NELL1: variants seen among roughly 807,000 people sequenced by gnomAD.
NELL1 encodes the protein protein kinase C-binding protein NELL1.
NELL1 carries 76 observed loss-of-function variants against 107.4 expected under a neutral mutation model. That is an observed-to-expected ratio of 0.71 (90% CI 0.59 to 0.86). The LOEUF (loss-of-function observed/expected upper bound fraction) is 0.86, where lower values mean the gene tolerates loss of function less well. Among genes scored for constraint, NELL1 ranks in the 40% least tolerant of loss-of-function variants. The pLI is 0.00. For synonymous variants in NELL1, 353 were observed against 341.2 expected (o/e 1.03, Z -0.38); for missense variants, 1,024 against 1,005.5 (o/e 1.02, Z -0.25).
chr11:20,792,474 ATATC>A (rs151035232), intron 3 of NELL1, among the ~76,000 whole-genome samples: 2,361 of 152,054 alleles, frequency 0.016, 64 homozygotes, highest in African/African-American at 0.053. Context: ...GTACTTTCTA[ATATC>A]TATCACTGTT....
chr11:20,736,919 T>C (rs1008255628), intron 2 of NELL1, among the ~76,000 whole-genome samples: 31 of 151,930 alleles, frequency 2.0e-4, no homozygotes, highest in African/African-American at 6.8e-4. Context: ...CATGCCTGGC[T>C]AATTTTTGTG....
Position 21,310,021 on chromosome 11 carries a change from G to A in NELL1, c.1550-60832G>A, listed in dbSNP as rs533453871. On this transcript the variant is annotated intron_variant, in intron 14 of 19. Coordinates refer to ENST00000357134, the MANE Select transcript of NELL1 (RefSeq NM_006157.5). ...TACAACTTCTTAGTCTTCACATAAA[G>A]GCATTTCTACTTAATAGAATATGTA... is the stretch of plus-strand genomic sequence containing the variant. 2.6e-5 allele frequency among the ~76,000 whole-genome samples: 4 copies of A among 152,068 alleles called. No individual in the cohort carries two copies. In the South Asian group the frequency reaches 8.3e-4, roughly 32 times the overall value.
At chr11:21,157,033 C>T (rs546816166) in intron 13 of NELL1, among the ~76,000 whole-genome samples, 2 of 151,762 alleles carry the variant, frequency 1.3e-5, no homozygotes, top group East Asian at 1.9e-4. Context: ...ACCCAGGAGG[C>T]GGAGGCTGCA....
chr11:21,461,110 G>A (rs1853890223), intron 15 of NELL1, among the ~76,000 whole-genome samples: 1 of 152,062 alleles, frequency 6.6e-6, no homozygotes, highest in African/African-American at 2.4e-5. Context: ...GGGAAGGGGT[G>A]TTAATAATTC....
At chr11:20,757,343 T>A (rs1856320158) in intron 2 of NELL1, among the ~76,000 whole-genome samples, 2 of 152,260 alleles carry the variant, frequency 1.3e-5, no homozygotes, top group South Asian at 4.1e-4. Flanking sequence ...TAGAGAGACT[T>A]CTCCTGGCTG....
rs796185710 is a variant in NELL1, at chr11:21,213,301, A to G, written c.1427-16031A>G. Among the ~76,000 whole-genome samples the G allele has an allele frequency of 2.6e-5, 4 of 152,314 alleles. No individual in the cohort carries two copies. The South Asian group carries it at 6.2e-4, about 24-fold the overall frequency. ...AATATAGTAAAGATGTCAATTCTCC[A>G]TAAGTTGATCTGTAAAGTTTAACAT... is the stretch of plus-strand genomic sequence containing the variant. On this transcript the variant is annotated intron_variant, in intron 13 of 19. Transcript: ENST00000357134.
chr11:20,699,590 C>A (rs1016796191), intron 2 of NELL1, among the ~76,000 whole-genome samples: 1 of 152,110 alleles, frequency 6.6e-6, no homozygotes, highest in Admixed American at 6.5e-5. Flanking sequence ...AAACTCCTGA[C>A]CTCATGATCT....
chr11:21,279,237 C>G (rs775271800), intron 14 of NELL1, among the ~76,000 whole-genome samples: 2 of 151,990 alleles, frequency 1.3e-5, no homozygotes, highest in Non-Finnish European at 1.5e-5. Flanking sequence ...TAGATACAGT[C>G]AAGGGAACAG....
intron 12 of NELL1, among the ~76,000 whole-genome samples, chr11:21,044,951 T>G (rs1445604085): frequency 6.6e-6 from 1 of 152,250 alleles, no homozygotes; most frequent in Non-Finnish European, 1.5e-5. Context: ...TGAACTTGCT[T>G]CAGTTAGTTG....
rs186671358 is a variant in NELL1 at position 20,947,847 on chromosome 11, T to C, written c.1171+412T>C. On this transcript the variant is annotated intron_variant, in intron 11 of 19. Transcript: ENST00000357134. ...CGTCTTGTTGGGCCAGTTCCCATAC[T>C]CTGGTAGAGAATGATGTATGGTGAA... Among the ~76,000 whole-genome samples, 169 of 152,284 alleles carry C rather than the reference T, an allele frequency of 1.1e-3. 2 individuals are homozygous for C. In the Middle Eastern group the frequency reaches 0.014, roughly 12 times the overall value.
chr11:20,916,770 T>C (rs371327542), intron 5 of NELL1, among the ~76,000 whole-genome samples: 1 of 151,934 alleles, frequency 6.6e-6, no homozygotes, highest in African/African-American at 2.4e-5. Context: ...TGAAAAGTAA[T>C]GAAAGCATAG....
chr11:21,362,935 G>A (rs913962315), intron 14 of NELL1, among the ~76,000 whole-genome samples: 1 of 152,118 alleles, frequency 6.6e-6, no homozygotes, highest in African/African-American at 2.4e-5. Flanking sequence ...CCTCTGCTGT[G>A]TTATATGGTT....
chr11:21,210,952 T>G (rs1857485746), intron 13 of NELL1, among the ~76,000 whole-genome samples: 1 of 152,186 alleles, frequency 6.6e-6, no homozygotes, highest in African/African-American at 2.4e-5. Context: ...CTGCCTTCCA[T>G]CATTTCTTCC....
chr11:20,989,332 A>G (rs1851921855), intron 12 of NELL1, among the ~76,000 whole-genome samples: 1 of 152,114 alleles, frequency 6.6e-6, no homozygotes, highest in Admixed American at 6.5e-5. Context: ...GCATGTTCCC[A>G]ATTCTGGGCT....
intron 17 of NELL1, among the ~76,000 whole-genome samples, chr11:21,563,415 G>A (rs999706258): frequency 6.6e-6 from 1 of 152,050 alleles, no homozygotes; most frequent in East Asian, 1.9e-4. Flanking sequence ...ATATATGGTA[G>A]AGCTATGAAC....
intron 15 of NELL1, among the ~76,000 whole-genome samples, chr11:21,417,721 C>G (rs60685858): frequency 0.04 from 6,085 of 152,110 alleles, 414 homozygotes; most frequent in African/African-American, 0.14. Flanking sequence ...TCCCCATTAC[C>G]TGAGCCTATT....
Position 21,173,502 on chromosome 11 carries a change from T to C in NELL1, c.1427-55830T>C, listed in dbSNP as rs531334188. ...CTCTTAAACTTTAATACCCACCTTT[T>C]TCATGAAGACTTTCCTCACTACTCC... is the stretch of plus-strand genomic sequence containing the variant. On this transcript the variant is annotated intron_variant, in intron 13 of 19. Coordinates refer to ENST00000357134, the MANE Select transcript of NELL1 (RefSeq NM_006157.5). Among the ~76,000 whole-genome samples, 308 of 151,954 alleles carry C rather than the reference T, an allele frequency of 2.0e-3. 2 individuals are homozygous for C. The highest frequency in any genetic ancestry group is 3.5e-3 in the Non-Finnish European group (238 of 68,008).
rs1400426472 is a variant in NELL1, at chr11:20,712,689, C to A, written c.184+34629C>A. On this transcript the variant is annotated intron_variant, in intron 2 of 19. Coordinates refer to ENST00000357134, the MANE Select transcript of NELL1 (RefSeq NM_006157.5). ...GGTGATCCCTTGATGTGGTGCTCTC[C>A]CACTTTCACTACGGATGGGGCTTAC... Among the ~76,000 whole-genome samples the A allele has an allele frequency of 5.3e-5, 8 of 152,290 alleles. No individual in the cohort carries two copies. The East Asian group carries it at 1.5e-3, about 29-fold the overall frequency.
chr11:20,702,619 C>T (rs981044176), intron 2 of NELL1, among the ~76,000 whole-genome samples: 18 of 152,024 alleles, frequency 1.2e-4, no homozygotes, highest in African/African-American at 4.3e-4. Flanking sequence ...CAGTTTTTGC[C>T]CATTCAGTAT....
Sources: allele counts gnomAD v4.1 joint callset (sites outside exome capture counted in the v4.1 genomes callset), GRCh38; gene constraint gnomAD v4.1.1; transcripts MANE v1.5; gene names NCBI Gene and HGNC (gene_info 2026-07-23, HGNC 2026-07-21).